Variants in RGS7 observed in about 807,000 individuals in gnomAD.
The protein encoded by RGS7 is regulator of G protein signaling 7, also known as regulator of G-protein signaling 7.
A neutral mutation model predicts 81.1 loss-of-function variants in RGS7; 27 were observed. The observed-to-expected ratio is 0.33, with a 90% CI of 0.25 to 0.46. The LOEUF (loss-of-function observed/expected upper bound fraction) is 0.46. RGS7 is among the 20% of genes least tolerant of loss of function. RGS7 has a pLI of 1.00. For synonymous variants in RGS7, 208 were observed against 207.7 expected (o/e 1.00, Z -0.01); for missense variants, 396 against 607.4 (o/e 0.65, Z 3.66).
At chr1:240,834,749 G>C (rs376388851) in intron 9 of RGS7, among the ~76,000 whole-genome samples, 23 of 152,158 alleles carry the variant, frequency 1.5e-4, no homozygotes, top group South Asian at 1.2e-3. Flanking sequence ...CTGACCTCGT[G>C]ATCCGCCCGC....
chr1:241,087,707 G>T (rs1224801547), intron 3 of RGS7, among the ~76,000 whole-genome samples: 1 of 152,106 alleles, frequency 6.6e-6, no homozygotes, highest in Non-Finnish European at 1.5e-5. Context: ...CCAGCACTTT[G>T]GGAGGCCGAG....
chr1:241,045,945 G>A (rs2060902056), intron 3 of RGS7, among the ~76,000 whole-genome samples: 1 of 152,038 alleles, frequency 6.6e-6, no homozygotes, highest in African/African-American at 2.4e-5. Context: ...CAGTAATATG[G>A]GCCAGCTTCA....
At chr1:240,835,189 A>T (rs1694517802) in intron 9 of RGS7, among the ~76,000 whole-genome samples, 1 of 152,188 alleles carries the variant, frequency 6.6e-6, no homozygotes, top group South Asian at 2.1e-4. Flanking sequence ...AAACTGGAAA[A>T]AAAATAGGCA....
intron 3 of RGS7, among the ~76,000 whole-genome samples, chr1:241,036,894 A>T (rs1403297461): frequency 6.6e-6 from 1 of 152,114 alleles, no homozygotes; most frequent in Non-Finnish European, 1.5e-5. Flanking sequence ...TGCCTGTTGC[A>T]CTCCACTAAC....
rs1436699236 is a variant in RGS7 at position 241,324,480 on chromosome 1, CT to C, written c.78+31218del. Among the ~76,000 whole-genome samples, 6 of 152,296 alleles carry C rather than the reference CT, an allele frequency of 3.9e-5. No individual in the cohort carries two copies. In the East Asian group the frequency reaches 1.2e-3, roughly 29 times the overall value. On this transcript the variant is annotated intron_variant, in intron 2 of 18. Transcript: ENST00000440928. ...CATGCACTCATTCCCTTCATGGAGA[CT>C]TTATGAGGGCCTCATCATTGAACTT...
chr1:240,850,538 T>A (rs1248965592), intron 9 of RGS7, among the ~76,000 whole-genome samples: 1 of 152,174 alleles, frequency 6.6e-6, no homozygotes, highest in African/African-American at 2.4e-5. Context: ...ATCAGGCCAA[T>A]AATAACCCTA....
intron 6 of RGS7, among the ~76,000 whole-genome samples, chr1:240,871,550 T>C (rs1211780331): frequency 6.6e-6 from 1 of 152,226 alleles, no homozygotes; most frequent in Admixed American, 6.5e-5. Context: ...TTGTACAATC[T>C]ACCATAATAA....
chr1:241,284,229 T>C (rs2078675142), intron 2 of RGS7, among the ~76,000 whole-genome samples: 1 of 152,236 alleles, frequency 6.6e-6, no homozygotes, highest in Non-Finnish European at 1.5e-5. Context: ...TTTCTGGTCA[T>C]ATGTTATGAA....
chr1:241,188,314 A>ACAC (rs1280456391), intron 2 of RGS7, among the ~76,000 whole-genome samples: 2 of 142,620 alleles, frequency 1.4e-5, no homozygotes, highest in African/African-American at 5.2e-5. Context: ...CACACACACA[A>ACAC]AAAGAGACAG....
intron 2 of RGS7, among the ~76,000 whole-genome samples, chr1:241,169,105 A>C (rs1301609884): frequency 6.6e-6 from 1 of 152,142 alleles, no homozygotes; most frequent in Non-Finnish European, 1.5e-5. Flanking sequence ...TTTTTAAGTC[A>C]CTAAAAAGTT....
At chr1:241,274,098 T>C (rs2078065066) in intron 2 of RGS7, among the ~76,000 whole-genome samples, 1 of 152,194 alleles carries the variant, frequency 6.6e-6, no homozygotes, top group Non-Finnish European at 1.5e-5. Context: ...CATACTCAGC[T>C]CTGATGGGTT....
intron 2 of RGS7, among the ~76,000 whole-genome samples, chr1:241,257,659 ATGG>A (rs924559757): frequency 2.1e-4 from 32 of 152,198 alleles, no homozygotes; most frequent in Admixed American, 2.0e-3. Context: ...CAGAAGGCCA[ATGG>A]TAAGGAGATT....
chr1:240,793,859 G>A (rs771088128), intron 18 of RGS7, among the ~76,000 whole-genome samples: 5 of 151,684 alleles, frequency 3.3e-5, no homozygotes, highest in East Asian at 3.9e-4. Context: ...TGATCAGTCC[G>A]CCTCAGCCTC....
intron 2 of RGS7, chr1:241,305,906 G>T: frequency 5.3e-6 from 1 of 187,972 alleles, no homozygotes; most frequent in South Asian, 8.7e-5. Context: ...TGCTCTCCGA[G>T]GGCCGCCGCA....
intron 2 of RGS7, among the ~76,000 whole-genome samples, chr1:241,160,419 G>A (rs1231353286): frequency 7.1e-6 from 1 of 140,938 alleles, no homozygotes; most frequent in Non-Finnish European, 1.6e-5. Context: ...TGAACGGTGT[G>A]TGGAATAAGG....
chr1:240,928,330 G>A (rs1386230227), intron 6 of RGS7, among the ~76,000 whole-genome samples: 2 of 152,058 alleles, frequency 1.3e-5, no homozygotes, highest in Non-Finnish European at 2.9e-5. Context: ...GGCTCCTTCT[G>A]TATTTGGTGG....
intron 6 of RGS7, among the ~76,000 whole-genome samples, chr1:240,893,355 ATTTTGC>A (rs1205879989): frequency 1.3e-5 from 2 of 152,206 alleles, no homozygotes; most frequent in Admixed American, 1.3e-4. Flanking sequence ...TAAGAAAACG[ATTTTGC>A]TTTTAAGTAA....
At chr1:241,210,242 C>T (rs2074169337) in intron 2 of RGS7, among the ~76,000 whole-genome samples, 1 of 152,126 alleles carries the variant, frequency 6.6e-6, no homozygotes, top group Admixed American at 6.6e-5. Context: ...CTCTGCCTGC[C>T]AGGTTCAAGT....
chr1:240,896,784 T>C (rs531679392), intron 6 of RGS7, among the ~76,000 whole-genome samples: 1 of 152,352 alleles, frequency 6.6e-6, no homozygotes, highest in South Asian at 2.1e-4. Flanking sequence ...TTTGGTTCCA[T>C]ATGAACTTTA....
Sources: gnomAD v4.1 joint callset for allele counts (sites outside exome capture counted in the v4.1 genomes callset) on GRCh38, gnomAD v4.1.1 for gene constraint, MANE v1.5 for transcripts, NCBI Gene and HGNC (gene_info 2026-07-23, HGNC 2026-07-21) for gene names.